Variants in UNC45B observed in about 807,000 individuals in gnomAD.
The protein encoded by UNC45B is protein unc-45 homolog B.
In UNC45B, 78 loss-of-function variants were observed where a neutral mutation model predicts 98.7. The observed-to-expected ratio is 0.79, with a 90% CI of 0.66 to 0.95. The LOEUF (loss-of-function observed/expected upper bound fraction) is 0.95. Among genes scored for constraint, UNC45B ranks in the 40% least tolerant of loss-of-function variants. The probability of loss-of-function intolerance (pLI) is 0.00; values close to 1 mark genes in which losing one functional copy is unlikely to be tolerated. For missense variants in UNC45B, 1,225 were observed against 1,184.9 expected (o/e 1.03, Z -0.50); for synonymous variants, 462 against 480.4 (o/e 0.96, Z 0.50).
At chr17:35,183,938 T>G (rs1056492796) in intron 19 of UNC45B, among the ~76,000 whole-genome samples, 4 of 152,084 alleles carry the variant, frequency 2.6e-5, no homozygotes, top group Non-Finnish European at 5.9e-5. Context: ...ATAAGGAGCT[T>G]ATGGTTTGGC....
At chr17:35,149,571 C>G (rs940860001) in intron 3 of UNC45B, among the ~76,000 whole-genome samples, 6 of 152,190 alleles carry the variant, frequency 3.9e-5, no homozygotes, top group African/African-American at 1.4e-4. Flanking sequence ...CGTCTGCCAC[C>G]ACGCCCAGCT....
chr17:35,179,179 A>G (rs1343120332), intron 17 of UNC45B, among the ~76,000 whole-genome samples: 4 of 152,176 alleles, frequency 2.6e-5, no homozygotes, highest in Admixed American at 6.5e-5. Context: ...GATTCTTCCA[A>G]TCCATGAGCA....
chr17:35,178,676 T>A (rs1436728648), intron 17 of UNC45B, among the ~76,000 whole-genome samples: 1 of 152,198 alleles, frequency 6.6e-6, no homozygotes, highest in Non-Finnish European at 1.5e-5. Context: ...TTTTAGATCT[T>A]ACATTTAAGT....
intron 10 of UNC45B, among the ~76,000 whole-genome samples, chr17:35,169,193 C>A (rs1490104009): frequency 6.6e-6 from 1 of 151,924 alleles, no homozygotes; most frequent in Non-Finnish European, 1.5e-5. Flanking sequence ...ATGCCTGCCA[C>A]CACACCCTGC....
chr17:35,175,322 A>G (rs2092225110), intron 14 of UNC45B, among the ~76,000 whole-genome samples: 1 of 152,178 alleles, frequency 6.6e-6, no homozygotes, highest in South Asian at 2.1e-4. Context: ...GCAAGATCAC[A>G]GCTACAGTCC....
chr17:35,164,486 T>C (rs2092124599), intron 9 of UNC45B: 2 of 205,608 alleles, frequency 9.7e-6, no homozygotes, highest in Non-Finnish European at 1.9e-5. Flanking sequence ...CAGACCTCTC[T>C]GCAGCCTGCT....
chr17:35,174,505 G>C, intron 14 of UNC45B, 136 bp downstream of exon 14: 3 of 1,289,348 alleles, frequency 2.3e-6, no homozygotes, highest in Non-Finnish European at 2.1e-6. Context: ...CTGGAGAAAG[G>C]TCTGAGGGGA....
In UNC45B at chr17:35,178,882, T is replaced by C. The variant is rs535059894; in HGVS notation, c.2255+1272T>C. On this transcript the variant is annotated intron_variant, in intron 17 of 19. Coordinates refer to ENST00000394570, the MANE Select transcript of UNC45B (RefSeq NM_001267052.2). ...GGTGTTATTTCTGAGGCCTCTGTTC[T>C]GTTCCATTGGTCTATATATCTGTTT... is the stretch of plus-strand genomic sequence containing the variant. Among the ~76,000 whole-genome samples, 22 of 152,356 alleles carry C rather than the reference T, an allele frequency of 1.4e-4. No homozygotes were observed. In the South Asian group the frequency reaches 3.7e-3, roughly 26 times the overall value.
At position 35,186,316 on chromosome 17, in the gene UNC45B, G is replaced by T. The variant is rs1344981140; in HGVS notation, c.2547G>T (p.Glu849Asp). 1 of 1,614,010 alleles carries T rather than the reference G, an allele frequency of 6.2e-7. No homozygotes were observed. The highest frequency in any genetic ancestry group is 8.5e-7 in the Non-Finnish European group (1 of 1,180,018). The change falls in exon 20 of 20, where the codon GAG becomes GAT. Residue 849 changes from glutamate to aspartate, a missense_variant. Physicochemically the swap from Glu to Asp is conservative, Grantham distance 45 (BLOSUM62 2). Transcript: ENST00000394570. ...KMTQVTTQWL[E>D]ILQRLCLHDQ... ...GCCTCCAGACAACCCAGTGGTTGGAGATCCTCCAGCGGCTTTGCCTGCACG... is the reference window on the plus strand; with the variant it reads ...GCCTCCAGACAACCCAGTGGTTGGATATCCTCCAGCGGCTTTGCCTGCACG...
chr17:35,156,452 C>T (rs2092062130), intron 7 of UNC45B, among the ~76,000 whole-genome samples: 1 of 152,114 alleles, frequency 6.6e-6, no homozygotes, highest in East Asian at 1.9e-4. Context: ...ATGGTGAAAA[C>T]CTGTCTCTAT....
chr17:35,154,629 T>C lies in UNC45B; in HGVS notation c.527T>C (p.Phe176Ser). Reference protein sequence around the residue: ...GREEAGAEKIFQNNGVALLLQ... With the variant: ...GREEAGAEKISQNNGVALLLQ... ...GAGGAAGCAGGGGCTGAGAAGATCT[T>C]CCAGAACAATGGAGTAGCCTTGCTA... The change falls in exon 6 of 20, where the codon TTC becomes TCC. Residue 176 changes from phenylalanine to serine, a missense_variant. By Grantham distance (155) the Phe-to-Ser change is radical. Transcript: ENST00000394570. 1 of 1,613,538 alleles carries C rather than the reference T, an allele frequency of 6.2e-7. No homozygotes were observed. Among genetic ancestry groups the C allele is most frequent in the Non-Finnish European group, 8.5e-7 (1 of 1,179,858 alleles).
Position 35,148,364 on chromosome 17 carries a change from A to T in UNC45B, c.101A>T (p.Lys34Met). 1 of 1,614,136 alleles carries T rather than the reference A, an allele frequency of 6.2e-7. No individual in the cohort carries two copies. The highest frequency in any genetic ancestry group is 8.5e-7 in the Non-Finnish European group (1 of 1,180,012). Reference protein sequence around the residue: ...AATNSYSQALKLTKDKALLAT... With the variant: ...AATNSYSQALMLTKDKALLAT... ...ACAAATAGCTACAGCCAGGCCCTGAAGCTGACCAAGGACAAGGCCCTGCTG... is the reference window on the plus strand; with the variant it reads ...ACAAATAGCTACAGCCAGGCCCTGATGCTGACCAAGGACAAGGCCCTGCTG... Residue 34 changes from lysine (K) to methionine (M), a missense_variant, in exon 2 of 20, where the codon AAG becomes ATG. Transcript: ENST00000394570.
rs949714793 is a variant in UNC45B, at chr17:35,185,418, C to G, written c.2530-881C>G. On this transcript the variant is annotated intron_variant, in intron 19 of 19. Coordinates refer to ENST00000394570, the MANE Select transcript of UNC45B (RefSeq NM_001267052.2). ...CACCTCCTGGGTTCAAGCGATTCTC[C>G]TGCCTCAGCCTTCCTAGTGGCTGGG... 2.0e-5 allele frequency among the ~76,000 whole-genome samples: 3 copies of G among 152,210 alleles called. No individual in the cohort carries two copies. In the East Asian group the frequency reaches 5.8e-4, roughly 29 times the overall value.
intron 8 of UNC45B, among the ~76,000 whole-genome samples, chr17:35,160,330 T>A (rs2092094042): frequency 6.6e-6 from 1 of 152,278 alleles, no homozygotes; most frequent in South Asian, 2.1e-4. Context: ...AGCTATCTGC[T>A]TAGGAATAAA....
At chr17:35,154,858 G>A in intron 6 of UNC45B, 117 bp downstream of exon 6, 1 of 1,157,062 alleles carries the variant, frequency 8.6e-7, no homozygotes, top group South Asian at 1.9e-5. Flanking sequence ...AAGTCAAAGG[G>A]TGCTCCAGTC....
chr17:35,151,313 C>G (rs901633845), intron 4 of UNC45B: 2 of 165,830 alleles, frequency 1.2e-5, no homozygotes, highest in Non-Finnish European at 2.7e-5. Flanking sequence ...GTGGGTCTTC[C>G]GTACGCCACA....
chr17:35,173,056 T>G (rs892445138), intron 13 of UNC45B, among the ~76,000 whole-genome samples: 6 of 151,890 alleles, frequency 4.0e-5, no homozygotes, highest in African/African-American at 1.5e-4. Context: ...TCTGGAGAAG[T>G]GTCTTAGTTT....
chr17:35,148,392 C>T lies in UNC45B; in HGVS notation c.129C>T (p.Ala43=). 6.2e-7 allele frequency: 1 copy of T among 1,614,052 alleles called. No homozygotes were observed. The highest frequency in any genetic ancestry group is 8.5e-7 in the Non-Finnish European group (1 of 1,180,028). Residue 43 remains alanine, a synonymous_variant, in exon 2 of 20, where the codon GCC becomes GCT. Coordinates refer to ENST00000394570, the MANE Select transcript of UNC45B (RefSeq NM_001267052.2). The stretch of plus-strand genomic sequence containing the variant: ...TGACCAAGGACAAGGCCCTGCTGGC[C>T]ACGCTTTATCGGAACCGGGCAGCCT... The part of the protein sequence containing the change: ...LKLTKDKALL[A]TLYRNRAACG...
At chr17:35,168,458 G>A (rs764634798) in intron 10 of UNC45B, 97 bp downstream of exon 10, 89 of 1,125,452 alleles carry the variant, frequency 7.9e-5, no homozygotes, top group Non-Finnish European at 8.0e-5. Flanking sequence ...TGTCCTTGAG[G>A]AGACCAGGTT....
Sources: allele counts gnomAD v4.1 joint callset (sites outside exome capture counted in the v4.1 genomes callset), GRCh38; gene constraint gnomAD v4.1.1; transcripts MANE v1.5; gene names NCBI Gene and HGNC (gene_info 2026-07-23, HGNC 2026-07-21).